HEMK2: variants seen among roughly 807,000 people sequenced by gnomAD.
The protein encoded by HEMK2 is methyltransferase HEMK2.
the HEMK2 span, among the ~76,000 whole-genome samples, chr21:28,627,310 G>A: frequency 2.6e-5 from 4 of 152,172 alleles, no homozygotes; most frequent in African/African-American, 4.8e-5. Flanking sequence ...GCATACATTT[G>A]TCAAAACTTA....
chr21:28,787,075 TG>T, the HEMK2 span, among the ~76,000 whole-genome samples: 1 of 152,300 alleles, frequency 6.6e-6, no homozygotes, highest in South Asian at 2.1e-4. Context: ...TACAGCCAAC[TG>T]ATCTTCAACA....
chr21:28,724,476 A>G, the HEMK2 span, among the ~76,000 whole-genome samples: 5 of 152,094 alleles, frequency 3.3e-5, no homozygotes, highest in African/African-American at 1.2e-4. Context: ...AAGGGGGAAA[A>G]CCTGCTTATT....
chr21:28,695,844 A>G, the HEMK2 span, among the ~76,000 whole-genome samples: 1 of 152,242 alleles, frequency 6.6e-6, no homozygotes, highest in Non-Finnish European at 1.5e-5. Flanking sequence ...CTCATCTAAG[A>G]CAAGGCAAGT....
At chr21:28,788,765 A>C in the HEMK2 span, among the ~76,000 whole-genome samples, 2 of 152,028 alleles carry the variant, frequency 1.3e-5, no homozygotes, top group Non-Finnish European at 2.9e-5. Flanking sequence ...CATGTCCACC[A>C]GACTCTCAGA....
chr21:28,683,376 C>A, the HEMK2 span, among the ~76,000 whole-genome samples: 1 of 152,098 alleles, frequency 6.6e-6, no homozygotes, highest in African/African-American at 2.4e-5. Flanking sequence ...ACTGTGTGCA[C>A]CCAGCTTTAT....
At chr21:28,717,774 T>C in the HEMK2 span, among the ~76,000 whole-genome samples, 2 of 152,082 alleles carry the variant, frequency 1.3e-5, no homozygotes, top group East Asian at 1.9e-4. Flanking sequence ...GCCACTGTAC[T>C]TGGCCATCTA....
the HEMK2 span, among the ~76,000 whole-genome samples, chr21:28,680,816 A>G: frequency 2.6e-5 from 4 of 152,212 alleles, no homozygotes; most frequent in Admixed American, 1.3e-4. Flanking sequence ...GATTATCTCA[A>G]TGGATGCAGA....
At chr21:28,614,579 G>A in the HEMK2 span, among the ~76,000 whole-genome samples, 9 of 152,168 alleles carry the variant, frequency 5.9e-5, no homozygotes, top group South Asian at 2.1e-4. Flanking sequence ...TGGGCTCTAC[G>A]GCTATTAAGA....
the HEMK2 span, among the ~76,000 whole-genome samples, chr21:28,796,237 T>C: frequency 2.0e-5 from 3 of 152,130 alleles, no homozygotes; most frequent in Non-Finnish European, 4.4e-5. Flanking sequence ...CGCCCCACTC[T>C]CTGCGATTCT....
chr21:28,615,211 G>A, the HEMK2 span, among the ~76,000 whole-genome samples: 2 of 152,128 alleles, frequency 1.3e-5, no homozygotes, highest in Non-Finnish European at 2.9e-5. Context: ...CCTGAATGAA[G>A]CAGGAAGACG....
chr21:28,868,473 G>C, the HEMK2 span, among the ~76,000 whole-genome samples: 1 of 152,124 alleles, frequency 6.6e-6, no homozygotes, highest in Admixed American at 6.5e-5. Flanking sequence ...CTTGAGCTCA[G>C]GCGTTCAAGA....
At chr21:28,616,368 T>C in the HEMK2 span, among the ~76,000 whole-genome samples, 1 of 152,168 alleles carries the variant, frequency 6.6e-6, no homozygotes, top group East Asian at 1.9e-4. Context: ...TTATTGGAAA[T>C]ATGGACTTAT....
chr21:28,861,343 T>C, the HEMK2 span, among the ~76,000 whole-genome samples: 478 of 152,338 alleles, frequency 3.1e-3, 5 homozygotes, highest in African/African-American at 0.011. Context: ...AGCTCTGGCA[T>C]TGGCTAATTA....
chr21:28,718,733 T>A, the HEMK2 span, among the ~76,000 whole-genome samples: 1 of 152,142 alleles, frequency 6.6e-6, no homozygotes, highest in Non-Finnish European at 1.5e-5. Flanking sequence ...CTCAATAAAA[T>A]CAGAATTATT....
At chr21:28,697,247 T>C in the HEMK2 span, among the ~76,000 whole-genome samples, 1 of 152,234 alleles carries the variant, frequency 6.6e-6, no homozygotes, top group African/African-American at 2.4e-5. Context: ...TGTTGAATGC[T>C]TTGCTGCTTA....
At chr21:28,679,791 T>G in the HEMK2 span, among the ~76,000 whole-genome samples, 7 of 152,268 alleles carry the variant, frequency 4.6e-5, no homozygotes, top group African/African-American at 1.7e-4. Flanking sequence ...AACCTGCTCC[T>G]GAATGACTAT....
chr21:28,852,979 T>C, the HEMK2 span, among the ~76,000 whole-genome samples: 9 of 152,232 alleles, frequency 5.9e-5, no homozygotes. Flanking sequence ...CCTCGGGATC[T>C]AATTTTTCCC....
At chr21:28,655,375 A>T in the HEMK2 span, among the ~76,000 whole-genome samples, 2 of 152,134 alleles carry the variant, frequency 1.3e-5, no homozygotes. Flanking sequence ...CTAACTGCAT[A>T]AAAATTTGCT....
chr21:28,732,580 C>T, the HEMK2 span, among the ~76,000 whole-genome samples: 4 of 152,110 alleles, frequency 2.6e-5, no homozygotes, highest in African/African-American at 9.7e-5. Flanking sequence ...ACTCTTCCCT[C>T]GCCCAGAAAA....
Sources: gnomAD v4.1 joint callset for allele counts (sites outside exome capture counted in the v4.1 genomes callset) on GRCh38, gnomAD v4.1.1 for gene constraint, MANE v1.5 for transcripts, NCBI Gene and HGNC (gene_info 2026-07-23, HGNC 2026-07-21) for gene names.